The following P2RX7 variants were observed in gnomAD, a reference collection of about 807,000 sequenced individuals.
P2RX7 encodes the protein purinergic receptor P2X 7.
Under a neutral mutation model 71.6 loss-of-function variants are expected in P2RX7, and 62 were observed. That is an observed-to-expected ratio of 0.87 (90% CI 0.71 to 1.07). P2RX7 has a LOEUF of 1.07. Ranked by LOEUF, P2RX7 falls within the 50% of genes least tolerant of loss-of-function variation. The pLI is 0.00. For synonymous variants in P2RX7, 299 were observed against 283.3 expected (o/e 1.06, Z -0.56); for missense variants, 686 against 748.5 (o/e 0.92, Z 0.97).
chr12:121,175,177 G>T (rs1274744992), intron 8 of P2RX7, among the ~76,000 whole-genome samples: 2 of 142,720 alleles, frequency 1.4e-5, no homozygotes, highest in Non-Finnish European at 2.9e-5. Context: ...CGAGCACGGT[G>T]GTGCATGCCT....
intron 8 of P2RX7, 24 bp from the exon 9 acceptor site, chr12:121,175,364 A>G (rs1393695132): frequency 6.5e-7 from 1 of 1,527,948 alleles, no homozygotes; most frequent in Non-Finnish European, 9.1e-7. Flanking sequence ...GATCTTACAA[A>G]TACAGATCCT....
chr12:121,171,053 C>T (rs1653618), intron 8 of P2RX7, among the ~76,000 whole-genome samples: 54,254 of 151,966 alleles, frequency 0.36, 10,034 homozygotes, highest in Non-Finnish European at 0.4. Flanking sequence ...GAATGCACGA[C>T]GCGCTTCTCA....
At chr12:121,180,228 A>T in intron 11 of P2RX7, 126 bp from the exon 12 acceptor site, 1 of 375,024 alleles carries the variant, frequency 2.7e-6, no homozygotes. Context: ...TTGGTTAATG[A>T]GAGTTTTGAG....
intron 8 of P2RX7, among the ~76,000 whole-genome samples, chr12:121,174,829 C>T (rs78021965): frequency 0.032 from 4,800 of 151,812 alleles, 252 homozygotes; most frequent in African/African-American, 0.11. Context: ...GCTGATTTTC[C>T]GTCACTCTGA....
At position 121,184,906 on chromosome 12, in the gene P2RX7, G is replaced by A. The variant is rs202084375; in HGVS notation, c.*104G>A. On this transcript the variant is annotated 3_prime_UTR_variant, in exon 13 of 13. Coordinates refer to ENST00000328963, the MANE Select transcript of P2RX7 (RefSeq NM_002562.6). The stretch of plus-strand genomic sequence containing the variant: ...TGGAGACCCGCCTGGCTAACAAGGC[G>A]AAATCCTGTCTGTACTAAAAATACA... The A allele has an allele frequency of 3.3e-5, 29 of 873,404 alleles. No individual in the cohort carries two copies. Among genetic ancestry groups the A allele is most frequent in the African/African-American group, 5.1e-5 (3 of 58,896 alleles). 54.1% of individuals were successfully genotyped at this position (873,404 alleles called of 1,614,324 possible). A position where few individuals can be genotyped will look rare whatever the true frequency, so the allele number is the denominator to read the frequency against.
rs1877010431 is a variant in P2RX7, at chr12:121,149,762, G to A, written c.126-5023G>A. Among the ~76,000 whole-genome samples the A allele has an allele frequency of 1.3e-5, 2 of 152,050 alleles. No homozygotes were observed. Among genetic ancestry groups the A allele is most frequent in the South Asian group, 4.1e-4 (2 of 4,826 alleles). The stretch of plus-strand genomic sequence containing the variant: ...GCTTTGTTCTTTTTTAGAGACTGGA[G>A]TCTCACTGTGTTGCCCAGGCTTGTC... On this transcript the variant is annotated intron_variant, in intron 1 of 12. Transcript: ENST00000328963. The surrounding 1 kb of genome is among the most constrained non-coding windows in gnomAD (Gnocchi z 4.7).
chr12:121,167,629 C>A lies in P2RX7; in HGVS notation c.881+5C>A. On this transcript the variant is annotated splice_donor_5th_base_variant and intron_variant, in intron 8 of 12. Coordinates refer to ENST00000328963, the MANE Select transcript of P2RX7 (RefSeq NM_002562.6). ...GTACCCTGGCTACAACTTCAGGTAA[C>A]TCCAAGGCCCAGGTCAAACTCACCC... 1 of 1,553,580 alleles carries A rather than the reference C, an allele frequency of 6.4e-7. No homozygotes were observed. The highest frequency in any genetic ancestry group is 8.7e-7 in the Non-Finnish European group (1 of 1,147,724).
rs756343035 is a variant in P2RX7, at chr12:121,184,346, G to A, written c.1332G>A (p.Leu444=). 1 of 1,613,680 alleles carries A rather than the reference G, an allele frequency of 6.2e-7. No homozygotes were observed. The highest frequency in any genetic ancestry group is 1.1e-5 in the South Asian group (1 of 91,060). The change falls in exon 13 of 13, where the codon CTG becomes CTA. Residue 444 remains leucine (L), a synonymous_variant. Coordinates refer to ENST00000328963, the MANE Select transcript of P2RX7 (RefSeq NM_002562.6). ...MDFTDLSRLP[L]ALHDTPPIPG... ...TCACAGATTTGTCCAGGCTGCCCCT[G>A]GCCCTCCATGACACACCCCCGATTC... is the stretch of plus-strand genomic sequence containing the variant.
chr12:121,178,574 T>C (rs1367923178), intron 11 of P2RX7, among the ~76,000 whole-genome samples: 1 of 152,034 alleles, frequency 6.6e-6, no homozygotes, highest in African/African-American at 2.4e-5. Context: ...GGCAGATCAC[T>C]TGAGGTCAAG....
At chr12:121,151,317 G>A (rs1194873003) in intron 1 of P2RX7, among the ~76,000 whole-genome samples, 1 of 150,932 alleles carries the variant, frequency 6.6e-6, no homozygotes, top group Non-Finnish European at 1.5e-5. Context: ...GCGCCATCTC[G>A]GCTCACTGCA....
At chr12:121,163,597 G>GTAGATAGATAGA (rs3078807) in intron 5 of P2RX7, among the ~76,000 whole-genome samples, 1 of 130,180 alleles carries the variant, frequency 7.7e-6, no homozygotes, top group Admixed American at 7.9e-5. Context: ...AGATAGACAG[G>GTAGATAGATAGA]TAGATAGATA....
intron 8 of P2RX7, among the ~76,000 whole-genome samples, chr12:121,170,925 A>C (rs1351541313): frequency 6.6e-6 from 1 of 152,210 alleles, no homozygotes; most frequent in South Asian, 2.1e-4. Context: ...AAGTTGAAGA[A>C]GTTGATCACA....
chr12:121,162,362 G>A lies in P2RX7; in HGVS notation c.437-62G>A. ...GGGTTGAGTTAATGATGTCCCTCCT[G>A]GAGAACGTCCTCTCCGCAGTTCTTT... On this transcript the variant is annotated intron_variant, in intron 4 of 12. Coordinates refer to ENST00000328963, the MANE Select transcript of P2RX7 (RefSeq NM_002562.6). 4 of 1,599,352 alleles carry A rather than the reference G, an allele frequency of 2.5e-6. No individual in the cohort carries two copies. The South Asian group carries it at 3.4e-5, about 13-fold the overall frequency.
At chr12:121,156,222 A>G in intron 3 of P2RX7, 75 bp downstream of exon 3, 1 of 1,199,218 alleles carries the variant, frequency 8.3e-7, no homozygotes, top group South Asian at 1.2e-5. Flanking sequence ...AGAAGCAGAA[A>G]TGCGGACCCT....
intron 9 of P2RX7, among the ~76,000 whole-genome samples, chr12:121,175,723 T>G (rs997524769): frequency 6.6e-6 from 1 of 152,160 alleles, no homozygotes; most frequent in Non-Finnish European, 1.5e-5. Flanking sequence ...CTCTGATACT[T>G]AACAAGAGAG....
chr12:121,165,434 C>G lies in P2RX7; in HGVS notation c.611C>G (p.Thr204Ser). Reference sequence around the variant, plus strand: ...ATCGACTTCCCCGGCCACAACTACACCACGTAAGTGCCCAGGCTGCCTGGC... The same window carrying G: ...ATCGACTTCCCCGGCCACAACTACAGCACGTAAGTGCCCAGGCTGCCTGGC... ...NNIDFPGHNY[T>S]TRNILPGLNI... is the part of the protein sequence containing the mutation. Residue 204 changes from threonine (T) to serine (S), a missense_variant, in exon 6 of 13, where the codon ACC becomes AGC. Transcript: ENST00000328963. 3.7e-6 allele frequency: 6 copies of G among 1,613,076 alleles called. No individual in the cohort carries two copies. The highest frequency in any genetic ancestry group is 5.1e-6 in the Non-Finnish European group (6 of 1,179,052).
chr12:121,162,479 C>T lies in P2RX7; in HGVS notation c.492C>T (p.Val164=). 1 of 1,613,884 alleles carries T rather than the reference C, an allele frequency of 6.2e-7. No individual in the cohort carries two copies. Among genetic ancestry groups the T allele is most frequent in the Non-Finnish European group, 8.5e-7 (1 of 1,180,006 alleles). ...VYEGNQKTCE[V]SAWCPIEAVE... Reference sequence around the variant, plus strand: ...AAGGGAACCAGAAGACCTGTGAAGTCTCTGCCTGGTGCCCCATCGAGGCAG... The same window carrying T: ...AAGGGAACCAGAAGACCTGTGAAGTTTCTGCCTGGTGCCCCATCGAGGCAG... The change falls in exon 5 of 13, where the codon GTC becomes GTT. Residue 164 remains valine (V), a synonymous_variant. Transcript: ENST00000328963.
At chr12:121,153,171 G>A (rs1877816845) in intron 1 of P2RX7, among the ~76,000 whole-genome samples, 1 of 152,184 alleles carries the variant, frequency 6.6e-6, no homozygotes, top group Non-Finnish European at 1.5e-5. Flanking sequence ...TAGTCTCCAG[G>A]GATGGGACTG....
At chr12:121,159,958 T>G (rs1425369509) in intron 3 of P2RX7, among the ~76,000 whole-genome samples, 3 of 152,194 alleles carry the variant, frequency 2.0e-5, no homozygotes, top group Non-Finnish European at 4.4e-5. Flanking sequence ...CATTTTTATT[T>G]ATTTGTATTG....
Sources: allele counts gnomAD v4.1 joint callset (sites outside exome capture counted in the v4.1 genomes callset), GRCh38; gene constraint gnomAD v4.1.1; non-coding constraint Gnocchi (gnomAD v3.1); transcripts MANE v1.5; gene names NCBI Gene and HGNC (gene_info 2026-07-23, HGNC 2026-07-21).